HMBOX1: variants seen among roughly 807,000 people sequenced by gnomAD.
HMBOX1 encodes homeobox-containing protein 1.
In HMBOX1, 14 loss-of-function variants were observed where a neutral mutation model predicts 54.5. That is an observed-to-expected ratio of 0.26 (90% CI 0.17 to 0.40). HMBOX1 has a LOEUF of 0.40. Among genes scored for constraint, HMBOX1 ranks in the 10% least tolerant of loss-of-function variants. HMBOX1 has a pLI of 1.00. For missense variants in HMBOX1, 332 were observed against 514.4 expected, an observed-to-expected ratio of 0.65 and a Z score of 3.43; for synonymous variants, 160 against 181.0, an observed-to-expected ratio of 0.88 and a Z score of 0.93.
At chr8:29,020,017 T>C (rs1275673172) in intron 6 of HMBOX1, among the ~76,000 whole-genome samples, 2 of 152,226 alleles carry the variant, frequency 1.3e-5, no homozygotes, top group East Asian at 3.8e-4. Context: ...TTATTATAGA[T>C]AAGAGCAGAA....
At chr8:29,000,299 AC>A (rs1269929507) in intron 4 of HMBOX1, among the ~76,000 whole-genome samples, 1 of 152,150 alleles carries the variant, frequency 6.6e-6, no homozygotes, top group African/African-American at 2.4e-5. Context: ...TTCTCTTTGT[AC>A]TAGGTCTCAA....
rs193279549 is a variant in HMBOX1 at position 28,964,070 on chromosome 8, G to T, written c.23+180G>T. On this transcript the variant is annotated intron_variant, in intron 2 of 9. Coordinates refer to ENST00000287701, the MANE Select transcript of HMBOX1 (RefSeq NM_001135726.3). Reference sequence around the variant, plus strand: ...AGGTGAATAAGTGTCATGATCATGTGGTGAGAAATGAATTTTTAAATCTAT... The same window carrying T: ...AGGTGAATAAGTGTCATGATCATGTTGTGAGAAATGAATTTTTAAATCTAT... 5.9e-5 allele frequency among the ~76,000 whole-genome samples: 9 copies of T among 152,058 alleles called. No individual in the cohort carries two copies. The East Asian group carries it at 1.7e-3, about 29-fold the overall frequency.
At chr8:28,943,363 G>A (rs947285978) in intron 1 of HMBOX1, among the ~76,000 whole-genome samples, 5 of 152,186 alleles carry the variant, frequency 3.3e-5, no homozygotes, top group African/African-American at 1.2e-4. Flanking sequence ...AACATGACAA[G>A]GCAAAGGGAT....
At chr8:28,992,487 A>G (rs1831123685) in intron 4 of HMBOX1, among the ~76,000 whole-genome samples, 1 of 152,200 alleles carries the variant, frequency 6.6e-6, no homozygotes, top group Non-Finnish European at 1.5e-5. Context: ...GCTTTGGGCC[A>G]CTTGATAATG....
intron 1 of HMBOX1, among the ~76,000 whole-genome samples, chr8:28,910,322 T>G (rs62502794): frequency 5.9e-5 from 9 of 152,198 alleles, no homozygotes; most frequent in Non-Finnish European, 1.0e-4. Context: ...CAGCTGATGG[T>G]TGTTTGGGAT....
intron 1 of HMBOX1, among the ~76,000 whole-genome samples, chr8:28,935,316 A>T (rs1439576835): frequency 6.6e-6 from 1 of 152,050 alleles, no homozygotes; most frequent in Non-Finnish European, 1.5e-5. Context: ...AAGCCAATTT[A>T]AAAAAAAGTA....
At chr8:28,993,314 G>A (rs561118855) in intron 4 of HMBOX1, among the ~76,000 whole-genome samples, 1 of 152,094 alleles carries the variant, frequency 6.6e-6, no homozygotes, top group Non-Finnish European at 1.5e-5. Flanking sequence ...ACATACTCTT[G>A]TATGAGTAGG....
At chr8:29,032,304 A>G (rs1009708613) in intron 6 of HMBOX1, among the ~76,000 whole-genome samples, 4 of 152,108 alleles carry the variant, frequency 2.6e-5, no homozygotes, top group African/African-American at 9.7e-5. Flanking sequence ...TTTTCTGTTA[A>G]TATTTGTAAA....
chr8:28,970,426 G>C lies in HMBOX1; in HGVS notation c.407G>C (p.Arg136Pro). The change falls in exon 3 of 10, where the codon CGC (arginine) becomes CCC (proline). Residue 136 changes from arginine (R) to proline (P), a missense_variant. Transcript: ENST00000287701. The surrounding 1 kb of genome is among the most constrained non-coding windows in gnomAD (Gnocchi z 4.3). ...TCCAATGGAAAGATGTCACCAACTC[G>C]CTACCATGCAAACAGCATGGGTCAG... ...STSNGKMSPT[R>P]YHANSMGQRS... 6.2e-7 allele frequency: 1 copy of C among 1,614,050 alleles called. No individual in the cohort carries two copies.
intron 3 of HMBOX1, among the ~76,000 whole-genome samples, chr8:28,973,811 T>TG (rs1827872900): frequency 1.4e-4 from 3 of 21,822 alleles, no homozygotes; most frequent in Non-Finnish European, 2.1e-4. Context: ...GAGTTTTTTT[T>TG]TTTTTTTTTT....
intron 1 of HMBOX1, among the ~76,000 whole-genome samples, chr8:28,952,758 C>T (rs1163572415): frequency 6.6e-6 from 1 of 152,136 alleles, no homozygotes; most frequent in East Asian, 1.9e-4. Context: ...ACACGAGTAT[C>T]TATAGGTCTA....
chr8:29,025,320 G>A (rs1002286134), intron 6 of HMBOX1, among the ~76,000 whole-genome samples: 1 of 152,152 alleles, frequency 6.6e-6, no homozygotes, highest in Admixed American at 6.5e-5. Flanking sequence ...AAATCATTCA[G>A]CATCTCTGGG....
chr8:29,037,363 A>G (rs1804070170), intron 6 of HMBOX1, among the ~76,000 whole-genome samples: 1 of 152,198 alleles, frequency 6.6e-6, no homozygotes, highest in Admixed American at 6.5e-5. Flanking sequence ...AATAATTTTA[A>G]TCTAATTCCA....
chr8:28,995,234 C>T (rs1198252226), intron 4 of HMBOX1, among the ~76,000 whole-genome samples: 2 of 152,172 alleles, frequency 1.3e-5, no homozygotes, highest in East Asian at 1.9e-4. Flanking sequence ...TACAGACAAA[C>T]TTCCGGACAT....
chr8:29,047,564 CTTTTTT>C (rs33978272), intron 8 of HMBOX1, 111 bp downstream of exon 8: 140 of 308,170 alleles, frequency 4.5e-4, no homozygotes, highest in South Asian at 5.9e-4. Context: ...CCTAACTTCT[CTTTTTT>C]TTTTTTTTTT....
intron 1 of HMBOX1, among the ~76,000 whole-genome samples, chr8:28,947,706 GATA>G (rs1262607605): frequency 3.3e-5 from 5 of 152,144 alleles, no homozygotes; most frequent in African/African-American, 1.2e-4. Context: ...CGTTAGCTAA[GATA>G]ATATTTCATA....
At position 29,018,795 on chromosome 8, in the gene HMBOX1, A is replaced by G. The variant is rs370049630; in HGVS notation, c.733A>G (p.Ile245Val). Residue 245 changes from isoleucine to valine, a missense_variant, in exon 6 of 10, where the codon ATA becomes GTA. By Grantham distance (29) the Ile-to-Val change is conservative. Transcript: ENST00000287701. ...AAGTATGAGACCAGCCCCCATTCCA[A>G]TAGAGGACCCTGAATGGAGACAAAC... is the stretch of plus-strand genomic sequence containing the variant. The part of the protein sequence containing the change: ...TLSMRPAPIP[I>V]EDPEWRQTPP... The G allele has an allele frequency of 1.4e-5, 23 of 1,614,020 alleles. No individual in the cohort carries two copies. Among genetic ancestry groups the G allele is most frequent in the Non-Finnish European group, 1.8e-5 (21 of 1,179,984 alleles).
chr8:28,990,887 C>T (rs1384689368), intron 4 of HMBOX1, among the ~76,000 whole-genome samples: 1 of 152,116 alleles, frequency 6.6e-6, no homozygotes, highest in East Asian at 1.9e-4. Flanking sequence ...CTCCTGACTT[C>T]AAGTGATCTG....
At chr8:28,911,371 CT>C (rs1486711892) in intron 1 of HMBOX1, among the ~76,000 whole-genome samples, 1 of 152,140 alleles carries the variant, frequency 6.6e-6, no homozygotes, top group Admixed American at 6.6e-5. Flanking sequence ...TGCTGCTTGA[CT>C]TTTTTTGAAG....
Sources: gnomAD v4.1 joint callset for allele counts (sites outside exome capture counted in the v4.1 genomes callset) on GRCh38, gnomAD v4.1.1 for gene constraint, Gnocchi (gnomAD v3.1) non-coding constraint, MANE v1.5 for transcripts, NCBI Gene and HGNC (gene_info 2026-07-23, HGNC 2026-07-21) for gene names.